Variants in POLD2 observed in about 807,000 individuals in gnomAD.
POLD2 encodes DNA polymerase delta subunit 2.
In POLD2, 31 loss-of-function variants were observed where a neutral mutation model predicts 48.8. The ratio of observed to expected loss-of-function variants is 0.64; its 90% CI spans 0.48 to 0.86. The LOEUF (loss-of-function observed/expected upper bound fraction) is 0.86, where lower values mean the gene tolerates loss of function less well. POLD2 is among the 40% of genes least tolerant of loss of function. POLD2 has a pLI of 0.00. For synonymous variants in POLD2, 233 were observed against 256.3 expected (o/e 0.91, Z 0.87); for missense variants, 455 against 610.1 (o/e 0.75, Z 2.68).
intron 2 of POLD2, among the ~76,000 whole-genome samples, chr7:44,120,590 G>A (rs1184786329): frequency 6.6e-6 from 1 of 152,190 alleles, no homozygotes; most frequent in African/African-American, 2.4e-5. Flanking sequence ...CGGTGTTGAC[G>A]GAGGGACCTG....
chr7:44,123,444 A>T, intron 1 of POLD2, 67 bp downstream of exon 1: 1 of 1,490,996 alleles, frequency 6.7e-7, no homozygotes, highest in Non-Finnish European at 8.9e-7. Context: ...CCACCGACCC[A>T]GGAGCCCGGC....
In POLD2 at chr7:44,121,866, G is replaced by A; in HGVS notation, c.188C>T (p.Pro63Leu). The A allele has an allele frequency of 6.2e-7, 1 of 1,613,320 alleles. No individual in the cohort carries two copies. The highest frequency in any genetic ancestry group is 8.5e-7 in the Non-Finnish European group (1 of 1,180,018). Residue 63 changes from proline to leucine, a missense_variant, in exon 2 of 11, where the codon CCC becomes CTC. Coordinates refer to ENST00000610533, the MANE Select transcript of POLD2 (RefSeq NM_006230.4). This position sits in a 1 kb window ranked among gnomAD's most constrained non-coding sequence, Gnocchi z 4.5. Reference protein sequence around the residue: ...IYATRLIQMRPFLENRAQQHW... With the variant: ...IYATRLIQMRLFLENRAQQHW... ...CTGCTGGGCCCGGTTCTCCAGGAAG[G>A]GTCTCATTTGGATGAGGCGGGTGGC... is the stretch of plus-strand genomic sequence containing the variant.
chr7:44,117,879 G>A, intron 3 of POLD2, 64 bp downstream of exon 3: 2 of 1,599,998 alleles, frequency 1.3e-6, no homozygotes, highest in Non-Finnish European at 1.7e-6. Context: ...CCCACCTCCA[G>A]GGAGGTGTTC....
Position 44,121,655 on chromosome 7 carries a change from AC to A in POLD2, c.220+178del, listed in dbSNP as rs2096248306. On this transcript the variant is annotated intron_variant, in intron 2 of 10. Transcript: ENST00000610533. The surrounding 1 kb of genome is among the most constrained non-coding windows in gnomAD (Gnocchi z 4.5). The stretch of plus-strand genomic sequence containing the variant: ...CTGAACTAAAACTAACTCCAAACCC[AC>A]AAATTACTTAATTTAATCCTTGTTA... Among the ~76,000 whole-genome samples the A allele has an allele frequency of 6.6e-6, 1 of 152,254 alleles. No individual in the cohort carries two copies. The highest frequency in any genetic ancestry group is 2.4e-5 in the African/African-American group (1 of 41,468).
chr7:44,123,634 C>T, upstream of POLD2: 1 of 1,389,114 alleles, frequency 7.2e-7, no homozygotes, highest in South Asian at 1.5e-5. Context: ...CTCCTCGCCC[C>T]GTCCGTCACC....
chr7:44,118,303 CAG>C, intron 2 of POLD2: 1 of 439,500 alleles, frequency 2.3e-6, no homozygotes. Context: ...CTCATGAGAA[CAG>C]AGAGACAGAC....
At position 44,122,062 on chromosome 7, in the gene POLD2, T is replaced by C; in HGVS notation, c.-9A>G. 1 of 1,612,194 alleles carries C rather than the reference T, an allele frequency of 6.2e-7. No homozygotes were observed. The highest frequency in any genetic ancestry group is 8.5e-7 in the Non-Finnish European group (1 of 1,179,634). On this transcript the variant is annotated 5_prime_UTR_variant, in exon 2 of 11. Coordinates refer to ENST00000610533, the MANE Select transcript of POLD2 (RefSeq NM_006230.4). ...GCCTGCTCAGAAAACATGGCCACAC[T>C]CCTGACTTGCTTGGTCCACACAGCT...
In POLD2 at chr7:44,123,479, C is replaced by G. The variant is rs762765424; in HGVS notation, c.-57+32G>C. The stretch of plus-strand genomic sequence containing the variant: ...CCTCGCGGCCTGGAACTGCCACCCC[C>G]AGCTGACCCCGTTTCCCTGGACCCC... On this transcript the variant is annotated intron_variant, in intron 1 of 10. Transcript: ENST00000610533. 7.3e-6 allele frequency: 11 copies of G among 1,497,226 alleles called. No individual in the cohort carries two copies. The South Asian group carries it at 8.7e-5, about 12-fold the overall frequency. 92.7% of individuals were successfully genotyped at this position (1,497,226 alleles called of 1,614,324 possible). A position where few individuals can be genotyped will look rare whatever the true frequency, so the allele number is the denominator to read the frequency against.
Position 44,118,044 on chromosome 7 carries a change from T to TCTTCACTC in POLD2, c.233_240dup (p.Lys81GlufsTer2). ...TCCTCAGGCTGCAGTTCACACAGCT[T>TCTTCACTC]CTTCACTCCCACTCCACTGCCTGGG... On this transcript the variant is annotated stop_gained and frameshift_variant, in exon 3 of 11. Transcript: ENST00000610533. LOFTEE classifies it high-confidence loss of function. 1 of 1,614,182 alleles carries TCTTCACTC rather than the reference T, an allele frequency of 6.2e-7. No individual in the cohort carries two copies.
Position 44,116,297 on chromosome 7 carries a change from C to A in POLD2, c.862-25G>T. 1.3e-6 allele frequency: 2 copies of A among 1,598,330 alleles called. No individual in the cohort carries two copies. Among genetic ancestry groups the A allele is most frequent in the South Asian group, 1.1e-5 (1 of 88,540 alleles). ...CCTGGAAGGCACAGGGCAGGGAGAG[C>A]TCACAGGGCCCCGAAGGAGCCCCCT... On this transcript the variant is annotated intron_variant, in intron 7 of 10. Coordinates refer to ENST00000610533, the MANE Select transcript of POLD2 (RefSeq NM_006230.4). This position sits in a 1 kb window ranked among gnomAD's most constrained non-coding sequence, Gnocchi z 6.1.
chr7:44,114,847 T>G lies in POLD2; in HGVS notation c.1348A>C (p.Ile450Leu). ...TCTGCCCCGAAGCCCGAGAAGCTGA[T>G]GGGCTGGCAGGCCAGGCTGCGCAGG... ...VNLRSLACQPISFSGFGAEDD... is the reference protein window; with the variant it reads ...VNLRSLACQPLSFSGFGAEDD... Residue 450 changes from isoleucine (I) to leucine (L), a missense_variant, in exon 11 of 11, where the codon ATC (isoleucine) becomes CTC (leucine). By Grantham distance (5) the Ile-to-Leu change is conservative (BLOSUM62 2). This residue lies in a region of POLD2 where 98 missense variants were observed against 138.6 expected (regional missense o/e 0.71). Coordinates refer to ENST00000610533, the MANE Select transcript of POLD2 (RefSeq NM_006230.4). 1 of 1,613,998 alleles carries G rather than the reference T, an allele frequency of 6.2e-7. No individual in the cohort carries two copies. The highest frequency in any genetic ancestry group is 8.5e-7 in the Non-Finnish European group (1 of 1,179,912).
intron 2 of POLD2, among the ~76,000 whole-genome samples, chr7:44,120,547 C>T (rs1248662550): frequency 6.6e-6 from 1 of 152,184 alleles, no homozygotes; most frequent in African/African-American, 2.4e-5. Context: ...CTCTGTGTCC[C>T]CACCCACATC....
In POLD2 at chr7:44,117,250, G is replaced by A. The variant is rs1316934379; in HGVS notation, c.467-3C>T. The A allele has an allele frequency of 1.2e-6, 2 of 1,608,770 alleles. No homozygotes were observed. The highest frequency in any genetic ancestry group is 1.1e-5 in the South Asian group (1 of 90,704). ...GCCAAACACAGCCAGGACAGTCCCTGGGGAGCAGTGGCATCAGGCCTGAGC... is the reference window on the plus strand; with the variant it reads ...GCCAAACACAGCCAGGACAGTCCCTAGGGAGCAGTGGCATCAGGCCTGAGC... On this transcript the variant is annotated splice_polypyrimidine_tract_variant and splice_region_variant and intron_variant, in intron 4 of 10. Transcript: ENST00000610533.
intron 9 of POLD2, 162 bp from the exon 10 acceptor site, chr7:44,115,558 G>T: frequency 1.4e-6 from 1 of 717,396 alleles, no homozygotes; most frequent in Non-Finnish European, 2.3e-6. Context: ...TGGCCCTGCT[G>T]TTGCTGCCCG....
rs2096236974 is a variant in POLD2, at chr7:44,115,348, G to A, written c.1196C>T (p.Pro399Leu). The change falls in exon 10 of 11, where the codon CCG becomes CTG. Residue 399 changes from proline to leucine, a missense_variant. Physicochemically the swap from Pro to Leu is moderately conservative, Grantham distance 98 (BLOSUM62 -3). Coordinates refer to ENST00000610533, the MANE Select transcript of POLD2 (RefSeq NM_006230.4). ...GGTGTTGCCACAAAAGTAGACATGC[G>A]GGCACTCTGGGAAGATGAACGGGTC... ...KTDPFIFPEC[P>L]HVYFCGNTPS... 5.0e-6 allele frequency: 8 copies of A among 1,613,992 alleles called. No individual in the cohort carries two copies. The highest frequency in any genetic ancestry group is 1.1e-5 in the South Asian group (1 of 91,082).
rs2096242632 is a variant in POLD2, at chr7:44,117,824, C to T, written c.343-82G>A. Reference sequence around the variant, plus strand: ...TGTTAGTGAGCTGGCACCGCAGCCCCCACCCCTCTGGAGTCCATTGTCTCT... The same window carrying T: ...TGTTAGTGAGCTGGCACCGCAGCCCTCACCCCTCTGGAGTCCATTGTCTCT... On this transcript the variant is annotated intron_variant, in intron 3 of 10. Coordinates refer to ENST00000610533, the MANE Select transcript of POLD2 (RefSeq NM_006230.4). 1.9e-6 allele frequency: 3 copies of T among 1,601,266 alleles called. No individual in the cohort carries two copies. In the Admixed American group the frequency reaches 5.0e-5, roughly 27 times the overall value.
intron 4 of POLD2, 151 bp downstream of exon 4, chr7:44,117,468 C>A (rs531144360): frequency 1.9e-5 from 19 of 996,348 alleles, no homozygotes; most frequent in Non-Finnish European, 2.5e-5. Flanking sequence ...GGCCTCCGAC[C>A]GCCTGGAGCC....
chr7:44,123,276 C>T (rs910433481), intron 1 of POLD2: 1 of 1,361,212 alleles, frequency 7.3e-7, no homozygotes, highest in Non-Finnish European at 9.4e-7. Flanking sequence ...ACGAGTGACT[C>T]GTTAGGAGCT....
At chr7:44,117,416 G>A (rs1016030360) in intron 4 of POLD2, 169 bp from the exon 5 acceptor site, 27 of 730,178 alleles carry the variant, frequency 3.7e-5, no homozygotes, top group African/African-American at 5.3e-5. Flanking sequence ...TTGGATGGAG[G>A]TGGGGAGACC....
Sources: gnomAD v4.1 joint callset for allele counts (sites outside exome capture counted in the v4.1 genomes callset) on GRCh38, gnomAD v4.1.1 for gene constraint, gnomAD v4.1.1 regional missense constraint, Gnocchi (gnomAD v3.1) non-coding constraint, MANE v1.5 for transcripts, NCBI Gene and HGNC (gene_info 2026-07-23, HGNC 2026-07-21) for gene names.